The following MCTP1 variants were observed in gnomAD, a reference collection of about 807,000 sequenced individuals.
MCTP1 encodes multiple C2 and transmembrane domain-containing protein 1.
MCTP1 carries 69 observed loss-of-function variants against 120.6 expected under a neutral mutation model. The ratio of observed to expected loss-of-function variants is 0.57; its 90% CI spans 0.47 to 0.70. The LOEUF is 0.70. MCTP1 is among the 30% of genes least tolerant of loss of function. The probability of loss-of-function intolerance (pLI) is 0.00; values close to 1 mark genes in which losing one functional copy is unlikely to be tolerated. For synonymous variants in MCTP1, 529 were observed against 493.1 expected (o/e 1.07, Z -0.96); for missense variants, 1,203 against 1,248.8 (o/e 0.96, Z 0.55).
At chr5:95,144,506 C>T (rs1376713889) in intron 1 of MCTP1, among the ~76,000 whole-genome samples, 5 of 152,004 alleles carry the variant, frequency 3.3e-5, no homozygotes, top group Admixed American at 6.5e-5. Flanking sequence ...AGAGTATTTT[C>T]GGCTTTGTTT....
intron 17 of MCTP1, among the ~76,000 whole-genome samples, chr5:94,855,468 C>G (rs1794552267): frequency 6.6e-6 from 1 of 151,810 alleles, no homozygotes; most frequent in Non-Finnish European, 1.5e-5. Flanking sequence ...ATTTGACCCC[C>G]CAACTGGCAA....
At chr5:95,172,363 C>G (rs1383617720) in intron 1 of MCTP1, among the ~76,000 whole-genome samples, 2 of 152,248 alleles carry the variant, frequency 1.3e-5, no homozygotes, top group Non-Finnish European at 2.9e-5. Flanking sequence ...CAGGGACCCA[C>G]TTGAGGAGGC....
intron 17 of MCTP1, among the ~76,000 whole-genome samples, chr5:94,845,300 G>A (rs1270491663): frequency 6.6e-6 from 1 of 152,176 alleles, no homozygotes; most frequent in Non-Finnish European, 1.5e-5. Flanking sequence ...CGTGGCAGCA[G>A]GCAAAAGAGC....
intron 19 of MCTP1, among the ~76,000 whole-genome samples, chr5:94,763,994 A>G (rs1311179735): frequency 6.6e-6 from 1 of 152,146 alleles, no homozygotes; most frequent in Admixed American, 6.5e-5. Flanking sequence ...AGAGGCTTAT[A>G]ATCGAGATTT....
rs183753692 is a variant in MCTP1, at chr5:95,263,736, C to T, written c.720+20120G>A. Among the ~76,000 whole-genome samples, 591 of 152,278 alleles carry T rather than the reference C, an allele frequency of 3.9e-3. 4 individuals carry two copies. The highest frequency in any genetic ancestry group is 0.014 in the African/African-American group (562 of 41,568). On this transcript the variant is annotated intron_variant, in intron 1 of 22. Transcript: ENST00000515393. ...ATTGAGCATTGCCATGTGCCAGGAA[C>T]TTTCATTGTACCCTCCTAACAGCAC...
At chr5:94,858,764 C>T in intron 17 of MCTP1, among the ~76,000 whole-genome samples, 1 of 151,664 alleles carries the variant, frequency 6.6e-6, no homozygotes, top group African/African-American at 2.4e-5. Flanking sequence ...TCCATGACTT[C>T]ATCTGCACCA....
chr5:94,796,515 C>G lies in MCTP1; in HGVS notation c.2556+2498G>C, dbSNP rs1331309613. Among the ~76,000 whole-genome samples the G allele has an allele frequency of 1.3e-4, 19 of 148,874 alleles. No homozygotes were observed. The Admixed American group carries it at 1.3e-3, about 10-fold the overall frequency. The stretch of plus-strand genomic sequence containing the variant: ...ATGCAGGAGAGTCAATGCATCGCAG[C>G]ATGGCAACCCCTACAAACACTTTCC... On this transcript the variant is annotated intron_variant, in intron 18 of 22. Coordinates refer to ENST00000515393, the MANE Select transcript of MCTP1 (RefSeq NM_024717.7).
At chr5:94,947,577 T>TATATATATATATAGAG in intron 3 of MCTP1, among the ~76,000 whole-genome samples, 35 of 47,374 alleles carry the variant, frequency 7.4e-4, no homozygotes, top group African/African-American at 1.9e-3. Flanking sequence ...TATATATATA[T>TATATATATATATAGAG]AGAGAGAGAG....
intron 1 of MCTP1, among the ~76,000 whole-genome samples, chr5:95,098,482 C>T (rs1439360970): frequency 6.6e-6 from 1 of 151,974 alleles, no homozygotes; most frequent in African/African-American, 2.4e-5. Flanking sequence ...CAATAACAGA[C>T]AAACAGAGAG....
intron 2 of MCTP1, among the ~76,000 whole-genome samples, chr5:94,976,427 G>A (rs1357901359): frequency 6.6e-6 from 1 of 152,026 alleles, no homozygotes; most frequent in Non-Finnish European, 1.5e-5. Context: ...TCCATTCTGG[G>A]CTTCACAGCA....
intron 1 of MCTP1, among the ~76,000 whole-genome samples, chr5:95,066,205 T>C (rs1205737861): frequency 2.0e-5 from 3 of 152,098 alleles, no homozygotes; most frequent in Non-Finnish European, 2.9e-5. Flanking sequence ...CCTGAATAGA[T>C]CTTCCTGAAA....
intron 17 of MCTP1, among the ~76,000 whole-genome samples, chr5:94,824,591 G>C (rs1272410245): frequency 1.3e-5 from 2 of 152,160 alleles, no homozygotes; most frequent in African/African-American, 4.8e-5. Context: ...CTATTGCTTG[G>C]AATAGTTTCA....
intron 17 of MCTP1, among the ~76,000 whole-genome samples, chr5:94,848,020 G>A (rs1228990208): frequency 2.0e-5 from 3 of 152,062 alleles, no homozygotes; most frequent in East Asian, 3.9e-4. Flanking sequence ...GCCTTGGTTT[G>A]GGGAGGGGGT....
rs563312777 is a variant in MCTP1, at chr5:95,149,556, C to G, written c.721-132072G>C. On this transcript the variant is annotated intron_variant, in intron 1 of 22. Transcript: ENST00000515393. Reference sequence around the variant, plus strand: ...GTGGAGTCTGCCATATGGGTGTTTCCTGGGAGAACACAGAGCTGTGCCCGC... The same window carrying G: ...GTGGAGTCTGCCATATGGGTGTTTCGTGGGAGAACACAGAGCTGTGCCCGC... Among the ~76,000 whole-genome samples, 54 of 152,196 alleles carry G rather than the reference C, an allele frequency of 3.5e-4. No homozygotes were observed. The South Asian group carries it at 5.8e-3, about 16-fold the overall frequency.
At chr5:94,767,715 G>A (rs562550768) in intron 19 of MCTP1, among the ~76,000 whole-genome samples, 1 of 152,008 alleles carries the variant, frequency 6.6e-6, no homozygotes, top group Non-Finnish European at 1.5e-5. Flanking sequence ...AGGATGTAAA[G>A]GACCTCTACA....
intron 1 of MCTP1, among the ~76,000 whole-genome samples, chr5:95,168,551 T>G (rs1432379850): frequency 1.3e-5 from 2 of 152,242 alleles, no homozygotes; most frequent in Non-Finnish European, 2.9e-5. Context: ...GTTCTTCCAT[T>G]TGTTTGTGTC....
At chr5:95,263,490 G>GCTAAATCACTCTCACC (rs1414041563) in intron 1 of MCTP1, among the ~76,000 whole-genome samples, 6 of 152,120 alleles carry the variant, frequency 3.9e-5, no homozygotes, top group Non-Finnish European at 7.3e-5. Context: ...TACAGATTGA[G>GCTAAATCACTCTCACC]CTAAATCACT....
chr5:95,270,639 T>C (rs899329726), intron 1 of MCTP1, among the ~76,000 whole-genome samples: 4 of 152,010 alleles, frequency 2.6e-5, no homozygotes, highest in East Asian at 3.9e-4. Context: ...CTTTAGAAGA[T>C]AGACTGCGGG....
At chr5:94,845,045 A>G (rs1444351697) in intron 17 of MCTP1, among the ~76,000 whole-genome samples, 1 of 152,238 alleles carries the variant, frequency 6.6e-6, no homozygotes, top group Non-Finnish European at 1.5e-5. Context: ...GACAACGTAC[A>G]GAATGGTAGA....
Sources: allele counts gnomAD v4.1 joint callset (sites outside exome capture counted in the v4.1 genomes callset), GRCh38; gene constraint gnomAD v4.1.1; transcripts MANE v1.5; gene names NCBI Gene and HGNC (gene_info 2026-07-23, HGNC 2026-07-21).